The following MAN1B1 variants were observed in gnomAD, a reference collection of about 807,000 sequenced individuals.
MAN1B1 encodes mannosidase alpha class 1B member 1, also known as endoplasmic reticulum mannosyl-oligosaccharide 1,2-alpha-mannosidase.
MAN1B1 carries 66 observed loss-of-function variants against 75.5 expected under a neutral mutation model. That is an observed-to-expected ratio of 0.87 (90% CI 0.72 to 1.07). The LOEUF (loss-of-function observed/expected upper bound fraction) is 1.07. Ranked by LOEUF, MAN1B1 falls within the 50% of genes least tolerant of loss-of-function variation. The pLI, the probability that MAN1B1 is intolerant of heterozygous loss-of-function variation, is 0.00. For synonymous variants in MAN1B1, 453 were observed against 382.8 expected (o/e 1.18, Z -2.14); for missense variants, 973 against 912.5 (o/e 1.07, Z -0.85).
chr9:137,088,820 C>T lies in MAN1B1; in HGVS notation c.329-49C>T, dbSNP rs112610040. The T allele has an allele frequency of 4.2e-5, 67 of 1,608,752 alleles. No homozygotes were observed. In the African/African-American group the frequency reaches 4.3e-4, roughly 10 times the overall value. The stretch of plus-strand genomic sequence containing the variant: ...TGTTTTTATAAAGCAGTTTAAATCT[C>T]TTGTAGGCCTTGTGGCATATTTGAA... On this transcript the variant is annotated intron_variant, in intron 2 of 12. Coordinates refer to ENST00000371589, the MANE Select transcript of MAN1B1 (RefSeq NM_016219.5).
At chr9:137,101,708 C>A in intron 8 of MAN1B1, 36 bp downstream of exon 8, 1 of 1,591,528 alleles carries the variant, frequency 6.3e-7, no homozygotes, top group African/African-American at 1.3e-5. Context: ...ATGCGCCTCC[C>A]CTGGAGCTAC....
chr9:137,090,002 G>A (rs1830477430), intron 3 of MAN1B1, among the ~76,000 whole-genome samples: 2 of 152,060 alleles, frequency 1.3e-5, no homozygotes, highest in South Asian at 2.1e-4. Flanking sequence ...CTCTGGAAAC[G>A]TTGGAAGAAG....
chr9:137,100,381 T>C (rs1352849898), intron 6 of MAN1B1, among the ~76,000 whole-genome samples: 1 of 152,248 alleles, frequency 6.6e-6, no homozygotes, highest in Non-Finnish European at 1.5e-5. Flanking sequence ...TGTGACCCAT[T>C]GGTGGCCATA....
At chr9:137,090,262 T>C (rs1249185103) in intron 3 of MAN1B1, among the ~76,000 whole-genome samples, 2 of 152,170 alleles carry the variant, frequency 1.3e-5, no homozygotes, top group East Asian at 3.9e-4. Flanking sequence ...CTGTTGTTGG[T>C]ACATCTGTGA....
chr9:137,103,442 C>A (rs543609748), intron 8 of MAN1B1: 4 of 413,294 alleles, frequency 9.7e-6, no homozygotes, highest in Non-Finnish European at 1.4e-5. Context: ...GCATGCAGGT[C>A]GGTGGTGTTA....
rs1255843352 is a variant in MAN1B1 at position 137,099,708 on chromosome 9, A to T, written c.743A>T (p.Tyr248Phe). ...TCCCCCCTACTAGTGCATCTGAACT[A>T]TCGCCAGAAGGGCGTGATTGACGTC... ...RTQGTPVHLN[Y>F]RQKGVIDVFL... Residue 248 changes from tyrosine to phenylalanine, a missense_variant, in exon 6 of 13, where the codon TAT (tyrosine) becomes TTT (phenylalanine). Coordinates refer to ENST00000371589, the MANE Select transcript of MAN1B1 (RefSeq NM_016219.5). 1 of 1,614,226 alleles carries T rather than the reference A, an allele frequency of 6.2e-7. No homozygotes were observed. The highest frequency in any genetic ancestry group is 1.7e-5 in the Admixed American group (1 of 60,038).
chr9:137,101,297 C>A, intron 7 of MAN1B1, 144 bp downstream of exon 7: 2 of 1,207,460 alleles, frequency 1.7e-6, no homozygotes, highest in Non-Finnish European at 1.2e-6. Context: ...TATTCGTGAG[C>A]TGATGAAGCC....
rs745426200 is a variant in MAN1B1, at chr9:137,100,712, C to T, written c.917-293C>T. Reference sequence around the variant, plus strand: ...TCAGTTCACTGCAGCCTTCGCCTCCCGGGTTCAAGCTATTCTCATGCCTCA... The same window carrying T: ...TCAGTTCACTGCAGCCTTCGCCTCCTGGGTTCAAGCTATTCTCATGCCTCA... On this transcript the variant is annotated intron_variant, in intron 6 of 12. Coordinates refer to ENST00000371589, the MANE Select transcript of MAN1B1 (RefSeq NM_016219.5). 4.2e-4 allele frequency among the ~76,000 whole-genome samples: 64 copies of T among 152,076 alleles called. 1 individual carries two copies. The highest frequency in any genetic ancestry group is 4.0e-4 in the Non-Finnish European group (27 of 68,026).
chr9:137,087,936 T>G (rs1196030945), intron 1 of MAN1B1, 139 bp from the exon 2 acceptor site: 14 of 765,944 alleles, frequency 1.8e-5, no homozygotes, highest in Non-Finnish European at 3.1e-5. Flanking sequence ...AATGAGACCC[T>G]GTTTCCAAAA....
At chr9:137,087,938 T>C in intron 1 of MAN1B1, 137 bp from the exon 2 acceptor site, 1 of 781,960 alleles carries the variant, frequency 1.3e-6, no homozygotes, top group East Asian at 2.6e-5. Flanking sequence ...TGAGACCCTG[T>C]TTCCAAAAAA....
Position 137,097,852 on chromosome 9 carries a change from T to A in MAN1B1, c.645T>A (p.Pro215=). 6.4e-7 allele frequency: 1 copy of A among 1,556,766 alleles called. No homozygotes were observed. Among genetic ancestry groups the A allele is most frequent in the Non-Finnish European group, 8.7e-7 (1 of 1,150,690 alleles). Residue 215 remains proline, a synonymous_variant, in exon 5 of 13, where the codon CCT becomes CCA. Transcript: ENST00000371589. The part of the protein sequence containing the change: ...VISWRGAVIE[P]EQGTELPSRR... ...GCTGGAGGGGAGCGGTGATCGAGCCTGAGCAGGGCACCGAGCTCCCTTCAA... is the reference window on the plus strand; with the variant it reads ...GCTGGAGGGGAGCGGTGATCGAGCCAGAGCAGGGCACCGAGCTCCCTTCAA...
At chr9:137,087,544 C>T (rs1210891624) in intron 1 of MAN1B1, 41 of 577,206 alleles carry the variant, frequency 7.1e-5, no homozygotes, top group Non-Finnish European at 1.3e-4. Context: ...ACCGGAGGTT[C>T]CCCGTGGTGT....
intron 3 of MAN1B1, among the ~76,000 whole-genome samples, chr9:137,090,218 C>T (rs192755077): frequency 3.9e-5 from 6 of 152,212 alleles, no homozygotes; most frequent in African/African-American, 1.2e-4. Context: ...TGTGGCTGCT[C>T]GGAACCCTTA....
chr9:137,099,645 C>T (rs751725504), intron 5 of MAN1B1, 51 bp from the exon 6 acceptor site: 2 of 1,588,206 alleles, frequency 1.3e-6, no homozygotes, highest in African/African-American at 1.3e-5. Flanking sequence ...TCCATCTGTG[C>T]CGACGCCAGG....
At chr9:137,093,373 C>G (rs1170945478) in intron 3 of MAN1B1, among the ~76,000 whole-genome samples, 1 of 152,140 alleles carries the variant, frequency 6.6e-6, no homozygotes, top group Non-Finnish European at 1.5e-5. Flanking sequence ...TAGTGAGACT[C>G]AGTCTCGAAA....
chr9:137,097,877 A>G lies in MAN1B1; in HGVS notation c.670A>G (p.Arg224Gly). 1 of 1,560,532 alleles carries G rather than the reference A, an allele frequency of 6.4e-7. No individual in the cohort carries two copies. Among genetic ancestry groups the G allele is most frequent in the Non-Finnish European group, 8.7e-7 (1 of 1,152,918 alleles). The change falls in exon 5 of 13, where the codon AGA becomes GGA. Residue 224 changes from arginine (R) to glycine (G), a missense_variant. Physicochemically the swap from Arg to Gly is moderately radical, Grantham distance 125 (BLOSUM62 -2). Coordinates refer to ENST00000371589, the MANE Select transcript of MAN1B1 (RefSeq NM_016219.5). The part of the protein sequence containing the change: ...EPEQGTELPS[R>G]RAEVPTKPPL... The stretch of plus-strand genomic sequence containing the variant: ...TGAGCAGGGCACCGAGCTCCCTTCA[A>G]GAAGAGCAGAAGTGCCCACCAAGCC...
chr9:137,108,850 G>GA lies in MAN1B1; in HGVS notation c.*260dup. On this transcript the variant is annotated 3_prime_UTR_variant, in exon 13 of 13. Coordinates refer to ENST00000371589, the MANE Select transcript of MAN1B1 (RefSeq NM_016219.5). ...CCAGAAGACACGAATCATGACTCAC[G>GA]ATTGCTGAAGCCTGAGCAGGTCTCT... is the stretch of plus-strand genomic sequence containing the variant. The GA allele has an allele frequency of 1.6e-6, 1 of 638,600 alleles. No individual in the cohort carries two copies. The highest frequency in any genetic ancestry group is 1.8e-5 in the African/African-American group (1 of 55,924). The allele number at this position is 638,600 out of a possible 1,614,324, so 39.6% of individuals were successfully genotyped here. A position where few individuals can be genotyped will look rare whatever the true frequency, so the allele number is the denominator to read the frequency against.
chr9:137,108,874 CTG>C lies in MAN1B1; in HGVS notation c.*286_*287del, dbSNP rs1831216020. On this transcript the variant is annotated 3_prime_UTR_variant, in exon 13 of 13. Transcript: ENST00000371589. ...CGATTGCTGAAGCCTGAGCAGGTCT[CTG>C]TGGGCCGACCAGAGGGGGGCTTCGA... The C allele has an allele frequency of 5.1e-6, 3 of 592,802 alleles. No individual in the cohort carries two copies. Among genetic ancestry groups the C allele is most frequent in the South Asian group, 1.5e-5 (1 of 65,764 alleles). 36.7% of individuals were successfully genotyped at this position (592,802 alleles called of 1,614,324 possible). A position where few individuals can be genotyped will look rare whatever the true frequency, so the allele number is the denominator to read the frequency against.
rs775612984 is a variant in MAN1B1 at position 137,107,558 on chromosome 9, C to T, written c.1792C>T (p.Pro598Ser). The T allele has an allele frequency of 6.2e-7, 1 of 1,612,728 alleles. No homozygotes were observed. Among genetic ancestry groups the T allele is most frequent in the East Asian group, 2.2e-5 (1 of 44,890 alleles). The change falls in exon 12 of 13, where the codon CCA becomes TCA. Residue 598 changes from proline (P) to serine (S), a missense_variant. Physicochemically the swap from Pro to Ser is moderately conservative, Grantham distance 74. Coordinates refer to ENST00000371589, the MANE Select transcript of MAN1B1 (RefSeq NM_016219.5). ...KPADRHNLLR[P>S]ETVESLFYLY... is the part of the protein sequence containing the mutation. ...AGCAGACAGGCACAACCTGCTGCGG[C>T]CAGAGACCGTGGAGAGCCTGTTCTA...
Sources: allele counts gnomAD v4.1 joint callset (sites outside exome capture counted in the v4.1 genomes callset), GRCh38; gene constraint gnomAD v4.1.1; transcripts MANE v1.5; gene names NCBI Gene and HGNC (gene_info 2026-07-23, HGNC 2026-07-21).